ZBTB20: variants seen among roughly 807,000 people sequenced by gnomAD.
ZBTB20 encodes the protein zinc finger and BTB domain-containing protein 20.
ZBTB20 carries 9 observed loss-of-function variants against 56.9 expected under a neutral mutation model. That is an observed-to-expected ratio of 0.16 (90% confidence interval 0.10 to 0.28). ZBTB20 has a LOEUF of 0.28. Ranked by LOEUF, ZBTB20 falls within the 10% of genes least tolerant of loss-of-function variation. ZBTB20 has a pLI of 1.00. For synonymous variants in ZBTB20, 417 were observed against 420.7 expected (o/e 0.99, Z 0.11); for missense variants, 655 against 1,003.0 (o/e 0.65, Z 4.69).
At chr3:114,369,862 G>A (rs2082813533) in intron 10 of ZBTB20, among the ~76,000 whole-genome samples, 1 of 152,174 alleles carries the variant, frequency 6.6e-6, no homozygotes, top group Non-Finnish European at 1.5e-5. Flanking sequence ...TTTAAAAATT[G>A]TTTTAAAAAT....
At chr3:115,014,301 T>A (rs1421158223) in intron 2 of ZBTB20, among the ~76,000 whole-genome samples, 2 of 151,636 alleles carry the variant, frequency 1.3e-5, no homozygotes, top group Non-Finnish European at 2.9e-5. Flanking sequence ...TGGGGATGGT[T>A]AATGGGTTAA....
intron 3 of ZBTB20, chr3:114,900,673 T>C (rs1685399487): frequency 6.6e-6 from 1 of 151,992 alleles, no homozygotes; most frequent in Non-Finnish European, 1.5e-5. Context: ...TTTTTGGTAT[T>C]CTTCCAAGAC....
chr3:114,376,811 A>G (rs1441023489), intron 10 of ZBTB20, among the ~76,000 whole-genome samples: 2 of 152,240 alleles, frequency 1.3e-5, no homozygotes, highest in Non-Finnish European at 2.9e-5. Context: ...GTCACCATGG[A>G]TATCAGCTTC....
chr3:114,750,607 GA>G (rs1458514389), intron 5 of ZBTB20, among the ~76,000 whole-genome samples: 2 of 151,948 alleles, frequency 1.3e-5, no homozygotes, highest in African/African-American at 2.4e-5. Context: ...CTCTGAGGGG[GA>G]AAAAATAGGC....
intron 6 of ZBTB20, among the ~76,000 whole-genome samples, chr3:114,571,221 T>G (rs1475427983): frequency 1.3e-5 from 2 of 152,336 alleles, no homozygotes; most frequent in East Asian, 3.9e-4. Context: ...TGCAAATGCA[T>G]TGACTAAATC....
intron 1 of ZBTB20, among the ~76,000 whole-genome samples, chr3:115,082,637 T>C (rs1342039491): frequency 6.6e-6 from 1 of 151,994 alleles, no homozygotes; most frequent in Non-Finnish European, 1.5e-5. Flanking sequence ...ATACTTAAGG[T>C]GAAAACAAGT....
intron 2 of ZBTB20, among the ~76,000 whole-genome samples, chr3:114,986,624 G>A (rs1384041058): frequency 6.6e-6 from 1 of 151,758 alleles, no homozygotes; most frequent in Non-Finnish European, 1.5e-5. Flanking sequence ...AATCTTTTAG[G>A]TCTTCCAAAT....
At chr3:115,042,972 T>C (rs1300952492) in intron 2 of ZBTB20, among the ~76,000 whole-genome samples, 1 of 152,170 alleles carries the variant, frequency 6.6e-6, no homozygotes, top group Non-Finnish European at 1.5e-5. Context: ...TGGGGCCTTA[T>C]TAATACAAAG....
chr3:115,139,353 G>C (rs1323532770), intron 1 of ZBTB20, among the ~76,000 whole-genome samples: 1 of 151,916 alleles, frequency 6.6e-6, no homozygotes, highest in Non-Finnish European at 1.5e-5. Flanking sequence ...TTTTAAATTA[G>C]AACTTTGAGG....
intron 1 of ZBTB20, among the ~76,000 whole-genome samples, chr3:115,096,208 G>A (rs772937356): frequency 1.3e-5 from 2 of 152,124 alleles, no homozygotes; most frequent in Admixed American, 6.5e-5. Context: ...ACACCTGTCC[G>A]ATTGCTAGTG....
rs115620235 is a variant in ZBTB20, at chr3:114,415,011, T to G, written c.-254-25906A>C. The stretch of plus-strand genomic sequence containing the variant: ...GGGTTTCTGTAACACTGGCAACTCA[T>G]AGCTTTCACAAATGTTCCCTTGGCT... On this transcript the variant is annotated intron_variant, in intron 7 of 11. Transcript: ENST00000675478. Among the ~76,000 whole-genome samples the G allele has an allele frequency of 1.2e-4, 17 of 145,946 alleles. No individual in the cohort carries two copies. In the South Asian group the frequency reaches 2.4e-3, roughly 21 times the overall value.
intron 7 of ZBTB20, among the ~76,000 whole-genome samples, chr3:114,444,650 G>A (rs1484779651): frequency 6.6e-6 from 1 of 152,030 alleles, no homozygotes; most frequent in African/African-American, 2.4e-5. Context: ...CTGTGTTTAA[G>A]TTTTCTTATT....
chr3:114,346,497 A>T (rs1022382340), intron 11 of ZBTB20, among the ~76,000 whole-genome samples: 7 of 152,222 alleles, frequency 4.6e-5, no homozygotes, highest in African/African-American at 1.7e-4. Flanking sequence ...ACAGGCATTT[A>T]GAGGAAACAA....
intron 2 of ZBTB20, among the ~76,000 whole-genome samples, chr3:115,065,362 T>C (rs943740461): frequency 7.2e-5 from 11 of 152,180 alleles, no homozygotes; most frequent in African/African-American, 2.7e-4. Flanking sequence ...CTTAAACAGG[T>C]TCTGGAGTAT....
rs2078622686 is a variant in ZBTB20, at chr3:114,314,925, G to A, written c.*24080C>T. The A allele has an allele frequency of 3.9e-5, 6 of 152,032 alleles. No individual in the cohort carries two copies. In the South Asian group the frequency reaches 1.2e-3, roughly 32 times the overall value. 9.4% of individuals were successfully genotyped at this position (152,032 alleles called of 1,614,324 possible). A position where few individuals can be genotyped will look rare whatever the true frequency, so the allele number is the denominator to read the frequency against. On this transcript the variant is annotated 3_prime_UTR_variant, in exon 12 of 12. Transcript: ENST00000675478. Reference sequence around the variant, plus strand: ...AATACGAGGCTAATATTAAATGGCAGGTAAGGATACTGTCACTGTAAGAAA... The same window carrying A: ...AATACGAGGCTAATATTAAATGGCAAGTAAGGATACTGTCACTGTAAGAAA...
chr3:114,960,736 ACAT>A (rs2107970793), intron 3 of ZBTB20, among the ~76,000 whole-genome samples: 1 of 152,346 alleles, frequency 6.6e-6, no homozygotes, highest in East Asian at 1.9e-4. Flanking sequence ...AAAATTCTAG[ACAT>A]CATCAGAAGT....
intron 6 of ZBTB20, among the ~76,000 whole-genome samples, chr3:114,602,089 T>C (rs1050669883): frequency 1.3e-4 from 20 of 152,012 alleles, no homozygotes; most frequent in African/African-American, 4.3e-4. Flanking sequence ...GCTGAGATTA[T>C]CATGCTGCAT....
intron 3 of ZBTB20, among the ~76,000 whole-genome samples, chr3:114,969,050 A>T (rs2077764351): frequency 6.6e-6 from 1 of 152,188 alleles, no homozygotes; most frequent in South Asian, 2.1e-4. Context: ...AAGGTTAGCA[A>T]AATAGTCATT....
intron 6 of ZBTB20, among the ~76,000 whole-genome samples, chr3:114,598,235 C>T (rs900062552): frequency 6.6e-6 from 1 of 151,950 alleles, no homozygotes; most frequent in Admixed American, 6.6e-5. Flanking sequence ...TGCCTGTAAC[C>T]ATATAATAAG....
Sources: allele counts gnomAD v4.1 joint callset (sites outside exome capture counted in the v4.1 genomes callset), GRCh38; gene constraint gnomAD v4.1.1; transcripts MANE v1.5; gene names NCBI Gene and HGNC (gene_info 2026-07-23, HGNC 2026-07-21).